Variants in COL25A1 observed in about 807,000 individuals in gnomAD.
COL25A1 encodes the protein collagen alpha-1(XXV) chain.
Under a neutral mutation model 128.4 loss-of-function variants are expected in COL25A1, and 103 were observed. The ratio of observed to expected loss-of-function variants is 0.80; its 90% CI spans 0.68 to 0.94. The LOEUF is 0.94. Among genes scored for constraint, COL25A1 ranks in the 40% least tolerant of loss-of-function variants. The pLI is 0.00. For missense variants in COL25A1, 745 were observed against 840.0 expected, an observed-to-expected ratio of 0.89 and a Z score of 1.40; for synonymous variants, 279 against 277.2, an observed-to-expected ratio of 1.01 and a Z score of -0.06.
intron 29 of COL25A1, 133 bp from the exon 30 acceptor site, chr4:108,844,702 T>A: frequency 7.8e-7 from 1 of 1,286,628 alleles, no homozygotes; most frequent in Non-Finnish European, 1.0e-6. Flanking sequence ...ATAAGTGATG[T>A]GTTTGATTCT....
intron 5 of COL25A1, among the ~76,000 whole-genome samples, chr4:109,013,976 G>C (rs535825189): frequency 4.1e-4 from 62 of 152,066 alleles, no homozygotes; most frequent in Non-Finnish European, 8.5e-4. Context: ...TTAAGCTTTT[G>C]GTCTTTCTGA....
At chr4:109,046,297 G>A (rs934675721) in intron 5 of COL25A1, among the ~76,000 whole-genome samples, 1 of 152,162 alleles carries the variant, frequency 6.6e-6, no homozygotes, top group African/African-American at 2.4e-5. Flanking sequence ...AGAAAAGGAG[G>A]AACAATTGAC....
intron 6 of COL25A1, among the ~76,000 whole-genome samples, chr4:109,008,942 G>A (rs567910912): frequency 6.6e-6 from 1 of 152,154 alleles, no homozygotes; most frequent in South Asian, 2.1e-4. Context: ...CCAACATGGT[G>A]AAACCTCATC....
chr4:108,998,678 C>T (rs1419092840), intron 6 of COL25A1, among the ~76,000 whole-genome samples: 1 of 152,168 alleles, frequency 6.6e-6, no homozygotes, highest in African/African-American at 2.4e-5. Flanking sequence ...GCAAAAAGAA[C>T]AAAGCTGGAG....
intron 6 of COL25A1, among the ~76,000 whole-genome samples, chr4:109,003,708 T>G (rs569490474): frequency 6.6e-6 from 1 of 152,124 alleles, no homozygotes; most frequent in South Asian, 2.1e-4. Flanking sequence ...GGCTGACACA[T>G]GAGAATAGTT....
chr4:108,917,150 T>C (rs1744970661), intron 13 of COL25A1, among the ~76,000 whole-genome samples: 2 of 152,138 alleles, frequency 1.3e-5, no homozygotes, highest in African/African-American at 2.4e-5. Context: ...TTTGCCAAAA[T>C]TCACACAGCC....
At chr4:108,996,292 A>G (rs1346462293) in intron 6 of COL25A1, among the ~76,000 whole-genome samples, 7 of 78,774 alleles carry the variant, frequency 8.9e-5, no homozygotes, top group African/African-American at 4.6e-4. Context: ...CAAATGGGAA[A>G]AAAAAAAAAA....
chr4:109,059,511 G>A (rs1761749541), intron 3 of COL25A1, among the ~76,000 whole-genome samples: 2 of 152,190 alleles, frequency 1.3e-5, no homozygotes, highest in Non-Finnish European at 2.9e-5. Context: ...TAAAATCTTT[G>A]TTTATAGGCT....
At chr4:109,284,562 T>C (rs1723690327) in intron 3 of COL25A1, among the ~76,000 whole-genome samples, 1 of 152,208 alleles carries the variant, frequency 6.6e-6, no homozygotes, top group African/African-American at 2.4e-5. Flanking sequence ...AATAGATTAT[T>C]GGCAACTAAA....
rs370304358 is a variant in COL25A1, at chr4:109,284,107, T to C, written c.367+16476A>G. Among the ~76,000 whole-genome samples, 42 of 152,318 alleles carry C rather than the reference T, an allele frequency of 2.8e-4. 1 individual carries two copies. In the South Asian group the frequency reaches 7.9e-3, roughly 29 times the overall value. Reference sequence around the variant, plus strand: ...ATTTATTTGATCTTGAAAACCTTCTTCCTTACAACATTTGTTAACAATAAA... The same window carrying C: ...ATTTATTTGATCTTGAAAACCTTCTCCCTTACAACATTTGTTAACAATAAA... On this transcript the variant is annotated intron_variant, in intron 3 of 37. Transcript: ENST00000399132.
chr4:108,856,924 C>T (rs1005600686), intron 24 of COL25A1, among the ~76,000 whole-genome samples: 1 of 152,074 alleles, frequency 6.6e-6, no homozygotes, highest in African/African-American at 2.4e-5. Flanking sequence ...ATTCCAATAA[C>T]ATCCTTATTT....
intron 6 of COL25A1, among the ~76,000 whole-genome samples, chr4:108,980,053 T>C (rs541911628): frequency 6.6e-6 from 1 of 152,070 alleles, no homozygotes; most frequent in East Asian, 1.9e-4. Flanking sequence ...GGTAAGAACA[T>C]GTGGGGAGTG....
chr4:109,236,008 C>T (rs1779454006), intron 3 of COL25A1, among the ~76,000 whole-genome samples: 1 of 151,988 alleles, frequency 6.6e-6, no homozygotes, highest in African/African-American at 2.4e-5. Context: ...ACTGTAGGTG[C>T]TTAATACGTA....
intron 37 of COL25A1, among the ~76,000 whole-genome samples, chr4:108,814,720 C>T (rs1384609172): frequency 6.6e-6 from 1 of 152,158 alleles, no homozygotes; most frequent in African/African-American, 2.4e-5. Flanking sequence ...GGGTGTATCA[C>T]CCTTTTGAAC....
rs60165291 is a variant in COL25A1 at position 109,083,448 on chromosome 4, ATTTTTTTTTTTTTTTTTT to A, written c.368-33287_368-33270del. ...CACCAATAACTTTTACACTAAATAA[ATTTTTTTTTTTTTTTTTT>A]TTTTTTTTTTTTTTGAGACGGAGTC... On this transcript the variant is annotated intron_variant, in intron 3 of 37. Transcript: ENST00000399132. Among the ~76,000 whole-genome samples the A allele has an allele frequency of 0.03, 2,318 of 77,620 alleles. 199 individuals are homozygous for A. The East Asian group carries it at 0.3, about 10-fold the overall frequency. 50.9% of individuals were successfully genotyped at this position (77,620 alleles called of 152,430 possible).
intron 3 of COL25A1, among the ~76,000 whole-genome samples, chr4:109,270,663 T>A (rs1782131744): frequency 6.6e-6 from 1 of 152,134 alleles, no homozygotes; most frequent in African/African-American, 2.4e-5. Context: ...TACTCTGATC[T>A]CATATTTTAC....
chr4:109,048,312 T>C, intron 4 of COL25A1, 137 bp from the exon 5 acceptor site: 1 of 768,394 alleles, frequency 1.3e-6, no homozygotes, highest in South Asian at 2.0e-5. Flanking sequence ...AATTCACTGA[T>C]TCTTAATCAT....
intron 8 of COL25A1, among the ~76,000 whole-genome samples, chr4:108,952,859 C>T (rs193115085): frequency 0.045 from 2,678 of 59,398 alleles, 39 homozygotes; most frequent in Non-Finnish European, 0.066. Flanking sequence ...TTTTTTTTGG[C>T]ATGTTTCATG....
chr4:109,243,283 A>G (rs1382026406), intron 3 of COL25A1, among the ~76,000 whole-genome samples: 3 of 152,038 alleles, frequency 2.0e-5, no homozygotes, highest in Non-Finnish European at 4.4e-5. Context: ...TCTTCATGCT[A>G]TCAGTATACA....
Sources: gnomAD v4.1 joint callset for allele counts (sites outside exome capture counted in the v4.1 genomes callset) on GRCh38, gnomAD v4.1.1 for gene constraint, MANE v1.5 for transcripts, NCBI Gene and HGNC (gene_info 2026-07-23, HGNC 2026-07-21) for gene names.